Variants in GNAL observed in about 807,000 individuals in gnomAD.
GNAL encodes guanine nucleotide-binding protein G(olf) subunit alpha.
In GNAL, 18 loss-of-function variants were observed where a neutral mutation model predicts 55.1. That is an observed-to-expected ratio of 0.33 (90% CI 0.23 to 0.48). The LOEUF is 0.48. Ranked by LOEUF, GNAL falls within the 20% of genes least tolerant of loss-of-function variation. The pLI, the probability that GNAL is intolerant of heterozygous loss-of-function variation, is 0.99. For synonymous variants in GNAL, 253 were observed against 237.0 expected (o/e 1.07, Z -0.62); for missense variants, 412 against 614.1 (o/e 0.67, Z 3.48).
chr18:11,856,252 T>A (rs2036005316), intron 5 of GNAL, among the ~76,000 whole-genome samples: 5 of 151,458 alleles, frequency 3.3e-5, no homozygotes, highest in Admixed American at 3.3e-4. Context: ...CAAAATGCTG[T>A]CTGGTTTACC....
chr18:11,760,344 C>T (rs1268071552), intron 4 of GNAL, among the ~76,000 whole-genome samples: 3 of 152,164 alleles, frequency 2.0e-5, no homozygotes, highest in Admixed American at 6.5e-5. Context: ...AAATTGATTG[C>T]CCCACAGCCA....
chr18:11,698,326 A>G (rs557008509), intron 1 of GNAL, among the ~76,000 whole-genome samples: 1 of 152,128 alleles, frequency 6.6e-6, no homozygotes, highest in Admixed American at 6.5e-5. Flanking sequence ...CCTCGCCTCT[A>G]CTAAAAATGC....
intron 1 of GNAL, among the ~76,000 whole-genome samples, chr18:11,698,490 CAA>C (rs201762409): frequency 2.0e-4 from 18 of 88,362 alleles, no homozygotes; most frequent in Admixed American, 3.5e-4. Context: ...GACTCTGTCT[CAA>C]AAAAAAAAAA....
chr18:11,754,967 TTTTG>T (rs1360535830), intron 4 of GNAL, among the ~76,000 whole-genome samples: 1 of 151,518 alleles, frequency 6.6e-6, no homozygotes, highest in Non-Finnish European at 1.5e-5. Flanking sequence ...TCATTTTCAT[TTTTG>T]TTACAGTGCA....
intron 8 of GNAL, 128 bp downstream of exon 8, chr18:11,867,354 G>C: frequency 1.4e-6 from 1 of 694,964 alleles, no homozygotes; most frequent in Non-Finnish European, 2.5e-6. Context: ...AGATTATGAT[G>C]CTCCTTCCTT....
chr18:11,689,465 C>T lies in GNAL; in HGVS notation c.-99C>T, dbSNP rs2031162916. ...CCGGGTGCAGCCCCCTCCCGCCCCT[C>T]CGCTGAGGCGCCGGCCTGAACTGGG... On this transcript the variant is annotated 5_prime_UTR_variant, in exon 1 of 12. Transcript: ENST00000334049. 1 of 502,542 alleles carries T rather than the reference C, an allele frequency of 2.0e-6. No homozygotes were observed. The highest frequency in any genetic ancestry group is 9.9e-5 in the South Asian group (1 of 10,062). The allele number at this position is 502,542 out of a possible 1,614,324, so 31.1% of individuals were successfully genotyped here. A position where few individuals can be genotyped will look rare whatever the true frequency, so the allele number is the denominator to read the frequency against.
chr18:11,875,874 C>T (rs540967098), intron 10 of GNAL, among the ~76,000 whole-genome samples: 34 of 152,236 alleles, frequency 2.2e-4, no homozygotes, highest in East Asian at 1.5e-3. Flanking sequence ...ATTAAGACAC[C>T]GGCCGATTCA....
chr18:11,875,312 AG>A (rs941338591), intron 10 of GNAL, among the ~76,000 whole-genome samples: 8 of 152,244 alleles, frequency 5.3e-5, no homozygotes, highest in Middle Eastern at 3.4e-3. Context: ...GCAGGTCAGT[AG>A]GATTTCTCCC....
In GNAL at chr18:11,883,553, A is replaced by G. The variant is rs2036774413; in HGVS notation, c.*2418A>G. 6.5e-6 allele frequency: 1 copy of G among 153,780 alleles called. No individual in the cohort carries two copies. Among genetic ancestry groups the G allele is most frequent in the East Asian group, 1.9e-4 (1 of 5,194 alleles). 9.5% of individuals were successfully genotyped at this position (153,780 alleles called of 1,614,324 possible). A position where few individuals can be genotyped will look rare whatever the true frequency, so the allele number is the denominator to read the frequency against. On this transcript the variant is annotated 3_prime_UTR_variant, in exon 12 of 12. Transcript: ENST00000334049. ...CATTCCACTTTTTAAGTTTCTTTTG[A>G]TCACTGACAGGCATTAACAGATGTA...
intron 1 of GNAL, among the ~76,000 whole-genome samples, chr18:11,743,956 C>A (rs962282353): frequency 6.6e-6 from 1 of 151,222 alleles, no homozygotes; most frequent in Non-Finnish European, 1.5e-5. Context: ...AATTGTAAGA[C>A]CTTGATAGTT....
At chr18:11,773,856 TAGAGTA>T (rs2033704734) in intron 4 of GNAL, among the ~76,000 whole-genome samples, 1 of 152,340 alleles carries the variant, frequency 6.6e-6, no homozygotes, top group East Asian at 1.9e-4. Flanking sequence ...TTTCGGTGAC[TAGAGTA>T]AAAGTTCCTT....
chr18:11,765,602 C>T (rs924468422), intron 4 of GNAL, among the ~76,000 whole-genome samples: 1 of 152,182 alleles, frequency 6.6e-6, no homozygotes, highest in Non-Finnish European at 1.5e-5. Flanking sequence ...AAGCATCATT[C>T]TGTTCTCTAC....
At chr18:11,801,367 A>C (rs1195038725) in intron 4 of GNAL, among the ~76,000 whole-genome samples, 2 of 152,218 alleles carry the variant, frequency 1.3e-5, no homozygotes, top group Non-Finnish European at 2.9e-5. Context: ...CCTCGCCAGC[A>C]TGGTGAAACC....
chr18:11,755,390 C>T (rs555669876), intron 4 of GNAL, among the ~76,000 whole-genome samples: 1 of 152,180 alleles, frequency 6.6e-6, no homozygotes, highest in Middle Eastern at 3.2e-3. Context: ...TCTCCTGCCT[C>T]AGCCTCCCTA....
intron 1 of GNAL, among the ~76,000 whole-genome samples, chr18:11,707,612 T>G (rs1417029183): frequency 6.6e-6 from 1 of 152,200 alleles, no homozygotes; most frequent in Non-Finnish European, 1.5e-5. Flanking sequence ...CAACTTAAAG[T>G]TACCAGTTGC....
intron 1 of GNAL, among the ~76,000 whole-genome samples, chr18:11,697,327 C>T (rs996818119): frequency 6.6e-6 from 1 of 152,046 alleles, no homozygotes; most frequent in African/African-American, 2.4e-5. Flanking sequence ...CACCTGAGGT[C>T]AGGAGTTCGA....
chr18:11,855,711 G>A (rs10048326), intron 5 of GNAL, among the ~76,000 whole-genome samples: 2,853 of 152,214 alleles, frequency 0.019, 96 homozygotes, highest in African/African-American at 0.063. Context: ...AGTGGCTCAC[G>A]CCTGTAATCC....
intron 5 of GNAL, among the ~76,000 whole-genome samples, chr18:11,846,473 A>ACACACG: frequency 1.3e-5 from 2 of 149,090 alleles, no homozygotes; most frequent in South Asian, 4.3e-4. Context: ...ATACACACAC[A>ACACACG]CACACACACA....
At chr18:11,705,176 T>A (rs1432624223) in intron 1 of GNAL, among the ~76,000 whole-genome samples, 2 of 152,214 alleles carry the variant, frequency 1.3e-5, no homozygotes, top group Admixed American at 1.3e-4. Context: ...GTTTGACTAT[T>A]ACAAGTCCTC....
Sources: gnomAD v4.1 joint callset for allele counts (sites outside exome capture counted in the v4.1 genomes callset) on GRCh38, gnomAD v4.1.1 for gene constraint, MANE v1.5 for transcripts, NCBI Gene and HGNC (gene_info 2026-07-23, HGNC 2026-07-21) for gene names.